FAR2: variants seen among roughly 807,000 people sequenced by gnomAD.
FAR2 encodes the protein fatty acyl-CoA reductase 2.
Under a neutral mutation model 56.0 loss-of-function variants are expected in FAR2, and 19 were observed. That is an observed-to-expected ratio of 0.34 (90% CI 0.24 to 0.50). The LOEUF (loss-of-function observed/expected upper bound fraction) is 0.50, where lower values mean the gene tolerates loss of function less well. Among genes scored for constraint, FAR2 ranks in the 20% least tolerant of loss-of-function variants. The pLI is 0.98. For synonymous variants in FAR2, 219 were observed against 218.8 expected, an observed-to-expected ratio of 1.00 and a Z score of -0.01; for missense variants, 508 against 642.2, an observed-to-expected ratio of 0.79 and a Z score of 2.26.
intron 1 of FAR2, among the ~76,000 whole-genome samples, chr12:29,253,301 A>ATC (rs1948258139): frequency 7.3e-6 from 1 of 136,228 alleles, no homozygotes; most frequent in African/African-American, 2.6e-5. Flanking sequence ...CTATCTAGAT[A>ATC]GATATCTATA....
intron 1 of FAR2, among the ~76,000 whole-genome samples, chr12:29,186,834 G>A (rs913165720): frequency 7.3e-5 from 11 of 151,654 alleles, no homozygotes; most frequent in African/African-American, 2.7e-4. Flanking sequence ...TGTCGCCCAG[G>A]CTGGAGTGCA....
rs1950113298 is a variant in FAR2 at position 29,192,777 on chromosome 12, G to C, written c.-39+43370G>C. Among the ~76,000 whole-genome samples the C allele has an allele frequency of 2.6e-5, 4 of 152,152 alleles. No individual in the cohort carries two copies. In the South Asian group the frequency reaches 8.3e-4, roughly 32 times the overall value. On this transcript the variant is annotated intron_variant, in intron 1 of 11. Transcript: ENST00000536681. ...ACTAATTTGTCTGTGTAAGGGATGAGGTCGATTAATTGAGCATCAGCTTTT... is the reference window on the plus strand; with the variant it reads ...ACTAATTTGTCTGTGTAAGGGATGACGTCGATTAATTGAGCATCAGCTTTT...
chr12:29,202,553 T>C (rs1947429567), intron 1 of FAR2, among the ~76,000 whole-genome samples: 1 of 152,182 alleles, frequency 6.6e-6, no homozygotes, highest in Admixed American at 6.5e-5. Flanking sequence ...CCAAATCTCA[T>C]GGTAAAATGT....
chr12:29,152,432 A>C (rs1331883680), intron 1 of FAR2, among the ~76,000 whole-genome samples: 1 of 151,820 alleles, frequency 6.6e-6, no homozygotes, highest in Non-Finnish European at 1.5e-5. Flanking sequence ...CTGTCCCCAG[A>C]CTCCTCCCTT....
At chr12:29,324,737 C>G (rs975499932) in intron 10 of FAR2, among the ~76,000 whole-genome samples, 3 of 152,170 alleles carry the variant, frequency 2.0e-5, no homozygotes, top group Non-Finnish European at 4.4e-5. Context: ...CCTAAAAGAG[C>G]TCCTGAAGGA....
chr12:29,200,228 G>A (rs1482542234), intron 1 of FAR2, among the ~76,000 whole-genome samples: 8 of 152,166 alleles, frequency 5.3e-5, no homozygotes. Flanking sequence ...AATTTATGAA[G>A]ATTACAGTGT....
At chr12:29,315,672 T>C (rs1949436267) in intron 8 of FAR2, among the ~76,000 whole-genome samples, 1 of 152,100 alleles carries the variant, frequency 6.6e-6, no homozygotes, top group African/African-American at 2.4e-5. Context: ...TTTTGTTGAA[T>C]TGTGTGTGGG....
At chr12:29,197,715 G>T (rs1402737248) in intron 1 of FAR2, among the ~76,000 whole-genome samples, 1 of 151,986 alleles carries the variant, frequency 6.6e-6, no homozygotes, top group Non-Finnish European at 1.5e-5. Context: ...GCAGTTTCTA[G>T]CCTATGGTTT....
intron 9 of FAR2, among the ~76,000 whole-genome samples, chr12:29,319,504 T>C (rs1274507921): frequency 6.6e-6 from 1 of 152,190 alleles, no homozygotes; most frequent in Non-Finnish European, 1.5e-5. Flanking sequence ...TATTTTCCTA[T>C]TGGGTTGTCC....
chr12:29,191,237 T>C (rs1215050360), intron 1 of FAR2, among the ~76,000 whole-genome samples: 3 of 152,222 alleles, frequency 2.0e-5, no homozygotes, highest in African/African-American at 4.8e-5. Flanking sequence ...GATCTCCAAG[T>C]CTTGCGCATT....
intron 10 of FAR2, among the ~76,000 whole-genome samples, chr12:29,325,143 G>C (rs1486828375): frequency 2.6e-5 from 4 of 152,136 alleles, no homozygotes; most frequent in Non-Finnish European, 4.4e-5. Context: ...AAGATCAAAA[G>C]AGACAAAGAA....
intron 1 of FAR2, among the ~76,000 whole-genome samples, chr12:29,181,484 G>T (rs541751401): frequency 2.0e-5 from 3 of 152,174 alleles, no homozygotes; most frequent in Non-Finnish European, 2.9e-5. Context: ...TGGTCAGCTT[G>T]TGTTTTCACT....
chr12:29,216,398 A>G (rs1947622017), intron 1 of FAR2, among the ~76,000 whole-genome samples: 1 of 152,314 alleles, frequency 6.6e-6, no homozygotes, highest in South Asian at 2.1e-4. Context: ...CTTTGGTCAC[A>G]CACAGTTCAT....
chr12:29,151,343 A>G (rs906376558), intron 1 of FAR2: 1 of 152,238 alleles, frequency 6.6e-6, no homozygotes, highest in Non-Finnish European at 1.5e-5. Flanking sequence ...AAGCTATGGA[A>G]TATGAAAGAC....
chr12:29,321,323 C>G (rs12366527), intron 9 of FAR2, among the ~76,000 whole-genome samples: 46,948 of 151,984 alleles, frequency 0.31, 7,342 homozygotes, highest in East Asian at 0.35. Context: ...CCCAGGAGTT[C>G]AAGACCAGCC....
intron 1 of FAR2, among the ~76,000 whole-genome samples, chr12:29,177,230 G>C (rs909414436): frequency 6.6e-6 from 1 of 152,140 alleles, no homozygotes; most frequent in East Asian, 1.9e-4. Flanking sequence ...CACTTGACCC[G>C]AATTTCATCA....
intron 1 of FAR2, among the ~76,000 whole-genome samples, chr12:29,242,723 CTCAAAA>C (rs1029353833): frequency 2.6e-5 from 4 of 152,114 alleles, no homozygotes; most frequent in African/African-American, 7.2e-5. Context: ...GAGGAAAGTA[CTCAAAA>C]TGACAGAGTA....
intron 5 of FAR2, among the ~76,000 whole-genome samples, chr12:29,308,601 CAAACTT>C (rs1005525617): frequency 6.6e-6 from 1 of 151,556 alleles, no homozygotes; most frequent in African/African-American, 2.4e-5. Context: ...TCTTAAGAAA[CAAACTT>C]AAAAACACAT....
intron 1 of FAR2, among the ~76,000 whole-genome samples, chr12:29,261,002 G>C (rs1026338062): frequency 6.6e-6 from 1 of 152,174 alleles, no homozygotes; most frequent in African/African-American, 2.4e-5. Context: ...AGGTCCCTCT[G>C]AATACTTGGA....
Sources: allele counts gnomAD v4.1 joint callset (sites outside exome capture counted in the v4.1 genomes callset), GRCh38; gene constraint gnomAD v4.1.1; transcripts MANE v1.5; gene names NCBI Gene and HGNC (gene_info 2026-07-23, HGNC 2026-07-21).